PBX1: variants seen among roughly 807,000 people sequenced by gnomAD.
PBX1 encodes the protein pre-B-cell leukemia transcription factor 1.
In PBX1, 6 loss-of-function variants were observed where a neutral mutation model predicts 53.4. That is an observed-to-expected ratio of 0.11 (90% CI 0.06 to 0.22). PBX1 has a LOEUF of 0.22. PBX1 is among the 10% of genes least tolerant of loss of function. The pLI, the probability that PBX1 is intolerant of heterozygous loss-of-function variation, is 1.00. For missense variants in PBX1, 251 were observed against 551.4 expected (o/e 0.46, Z 5.46); for synonymous variants, 204 against 212.3 (o/e 0.96, Z 0.34).
At chr1:164,640,133 C>G (rs1236683908) in intron 2 of PBX1, among the ~76,000 whole-genome samples, 3 of 152,136 alleles carry the variant, frequency 2.0e-5, no homozygotes, top group African/African-American at 7.2e-5. Context: ...AGTGAATGTT[C>G]CCCAAACAGA....
intron 2 of PBX1, among the ~76,000 whole-genome samples, chr1:164,705,176 C>G (rs1663358164): frequency 6.6e-6 from 1 of 152,132 alleles, no homozygotes; most frequent in South Asian, 2.1e-4. Context: ...CCCCACTCCC[C>G]CATTGTGAGA....
At chr1:164,621,070 C>A (rs947269122) in intron 2 of PBX1, among the ~76,000 whole-genome samples, 2 of 152,216 alleles carry the variant, frequency 1.3e-5, no homozygotes, top group African/African-American at 4.8e-5. Context: ...CTCACTGCAA[C>A]CTCCGCCTCC....
intron 2 of PBX1, among the ~76,000 whole-genome samples, chr1:164,678,287 G>A (rs897165716): frequency 1.3e-5 from 2 of 152,174 alleles, no homozygotes; most frequent in Non-Finnish European, 2.9e-5. Flanking sequence ...CCTTTTCTGT[G>A]TACCCAGGAG....
downstream of PBX1, among the ~76,000 whole-genome samples, chr1:164,856,488 T>C (rs1671979136): frequency 6.6e-6 from 1 of 152,164 alleles, no homozygotes; most frequent in South Asian, 2.1e-4. Flanking sequence ...TTTTTTTCAA[T>C]ATCTCTGGAT....
At chr1:164,629,524 TA>T (rs1247508097) in intron 2 of PBX1, among the ~76,000 whole-genome samples, 1 of 152,180 alleles carries the variant, frequency 6.6e-6, no homozygotes, top group Non-Finnish European at 1.5e-5. Flanking sequence ...ATTACATTCT[TA>T]GGGAAACTGA....
intron 2 of PBX1, among the ~76,000 whole-genome samples, chr1:164,566,991 A>G (rs1653478124): frequency 6.6e-6 from 1 of 152,042 alleles, no homozygotes; most frequent in Non-Finnish European, 1.5e-5. Flanking sequence ...TCTGTGTTCA[A>G]TTAACACCCC....
At chr1:164,734,037 A>G (rs901981911) in intron 2 of PBX1, among the ~76,000 whole-genome samples, 1 of 152,144 alleles carries the variant, frequency 6.6e-6, no homozygotes, top group Non-Finnish European at 1.5e-5. Flanking sequence ...ATGTTGTGTA[A>G]GTGTGGATTC....
chr1:164,870,253 CCTTCCTTCCT>C (rs1292411492), intron 2 of PBX1, among the ~76,000 whole-genome samples: 7 of 67,896 alleles, frequency 1.0e-4, no homozygotes, highest in Admixed American at 3.5e-4. Flanking sequence ...TTCCTTCCTT[CCTTCCTTCCT>C]TCCTTCTTTC....
At chr1:164,636,761 G>A (rs1055247765) in intron 2 of PBX1, among the ~76,000 whole-genome samples, 5 of 152,162 alleles carry the variant, frequency 3.3e-5, no homozygotes, top group Admixed American at 3.3e-4. Flanking sequence ...TAGAAGGCCT[G>A]AGTTTTTTTA....
intron 2 of PBX1, among the ~76,000 whole-genome samples, chr1:164,767,505 C>T (rs939111314): frequency 6.6e-6 from 1 of 152,074 alleles, no homozygotes; most frequent in African/African-American, 2.4e-5. Flanking sequence ...TGGCTTTCTG[C>T]GTCCAACTGC....
chr1:164,728,440 C>T (rs1398475937), intron 2 of PBX1, among the ~76,000 whole-genome samples: 1 of 152,064 alleles, frequency 6.6e-6, no homozygotes, highest in African/African-American at 2.4e-5. Flanking sequence ...AAATGTGCTC[C>T]CATTTCCTGT....
intron 2 of PBX1, among the ~76,000 whole-genome samples, chr1:164,730,967 A>C (rs759720536): frequency 2.6e-5 from 4 of 152,140 alleles, no homozygotes; most frequent in Non-Finnish European, 5.9e-5. Flanking sequence ...TTTGTTGTTT[A>C]ATGTGCAAAA....
rs184633788 is a variant in PBX1 at position 164,681,259 on chromosome 1, A to T, written c.266-111235A>T. ...GTAATACAAACTCAACCTAAGAACT[A>T]GATAAAAGAAAGCCGATTTTACTTT... On this transcript the variant is annotated intron_variant, in intron 2 of 8. Coordinates refer to ENST00000420696, the MANE Select transcript of PBX1 (RefSeq NM_002585.4). Among the ~76,000 whole-genome samples the T allele has an allele frequency of 2.7e-3, 408 of 152,300 alleles. 2 individuals are homozygous for T. The highest frequency in any genetic ancestry group is 9.6e-3 in the African/African-American group (397 of 41,564).
intron 2 of PBX1, among the ~76,000 whole-genome samples, chr1:164,654,374 C>T (rs140802374): frequency 0.011 from 1,732 of 152,282 alleles, 29 homozygotes; most frequent in African/African-American, 0.04. Context: ...GAGGTGACAT[C>T]ATGGCAAAAC....
At chr1:164,852,189 C>T (rs922050737), downstream of PBX1, among the ~76,000 whole-genome samples, 2 of 152,152 alleles carry the variant, frequency 1.3e-5, no homozygotes, top group South Asian at 4.1e-4. Context: ...CAGTGATTCT[C>T]CTTTTCTTCT....
At chr1:164,591,476 T>C (rs1362732972) in intron 2 of PBX1, among the ~76,000 whole-genome samples, 1 of 152,228 alleles carries the variant, frequency 6.6e-6, no homozygotes, top group Non-Finnish European at 1.5e-5. Flanking sequence ...TCTGTAACTA[T>C]ATTAGTAGCA....
intron 2 of PBX1, among the ~76,000 whole-genome samples, chr1:164,758,081 C>A (rs1666622922): frequency 6.6e-6 from 1 of 152,162 alleles, no homozygotes; most frequent in South Asian, 2.1e-4. Flanking sequence ...CCAGTTTTAT[C>A]CTTACCCACA....
chr1:164,833,478 C>T (rs1449577488), intron 8 of PBX1, among the ~76,000 whole-genome samples: 1 of 152,182 alleles, frequency 6.6e-6, no homozygotes, highest in Non-Finnish European at 1.5e-5. Context: ...GGGCAAACAT[C>T]TCATAAGCCC....
intron 8 of PBX1, among the ~76,000 whole-genome samples, chr1:164,844,027 C>T (rs1671432508): frequency 6.6e-6 from 1 of 151,834 alleles, no homozygotes; most frequent in Admixed American, 6.6e-5. Flanking sequence ...GACATGTACG[C>T]TCACTGCTTT....
Sources: allele counts gnomAD v4.1 joint callset (sites outside exome capture counted in the v4.1 genomes callset), GRCh38; gene constraint gnomAD v4.1.1; transcripts MANE v1.5; gene names NCBI Gene and HGNC (gene_info 2026-07-23, HGNC 2026-07-21).